CDK12: variants seen among roughly 807,000 people sequenced by gnomAD.
CDK12 encodes the protein cyclin dependent kinase 12, also known as cyclin-dependent kinase 12.
In CDK12, 17 loss-of-function variants were observed where a neutral mutation model predicts 133.8. The ratio of observed to expected loss-of-function variants is 0.13; its 90% CI spans 0.09 to 0.19. The LOEUF is 0.19. Ranked by LOEUF, CDK12 falls within the 10% of genes least tolerant of loss-of-function variation. CDK12 has a pLI of 1.00. For synonymous variants in CDK12, 694 were observed against 683.6 expected (o/e 1.02, Z -0.24); for missense variants, 1,508 against 1,818.7 (o/e 0.83, Z 3.11).
intron 6 of CDK12, among the ~76,000 whole-genome samples, chr17:39,504,949 G>A (rs1312797349): frequency 6.7e-6 from 1 of 149,114 alleles, no homozygotes; most frequent in African/African-American, 2.5e-5. Flanking sequence ...AAGATTTGGG[G>A]GCCAGGCGCA....
In CDK12 at chr17:39,532,102, T is replaced by TTCTCTCTCTCTCTATCTCTCTCTC. The variant is rs1232452261; in HGVS notation, c.*799_*800insATCTCTCTCTCTCTCTCTCTCTCT. The TTCTCTCTCTCTCTATCTCTCTCTC allele has an allele frequency of 7.8e-5, 17 of 218,620 alleles. No homozygotes were observed. Among genetic ancestry groups the TTCTCTCTCTCTCTATCTCTCTCTC allele is most frequent in the African/African-American group, 3.1e-4 (12 of 38,516 alleles). The allele number at this position is 218,620 out of a possible 1,614,324, so 13.5% of individuals were successfully genotyped here. The stretch of plus-strand genomic sequence containing the variant: ...GCTGATGTGTGCTCTCTCTCTCTCT[T>TTCTCTCTCTCTCTATCTCTCTCTC]TCTCTCTCTCTCTCTCTCTCTCTCT... On this transcript the variant is annotated 3_prime_UTR_variant, in exon 14 of 14. Transcript: ENST00000447079.
downstream of CDK12, among the ~76,000 whole-genome samples, chr17:39,565,454 AC>A (rs1385956853): frequency 7.4e-6 from 1 of 134,600 alleles, no homozygotes; most frequent in African/African-American, 2.7e-5. Flanking sequence ...TTTAAAAAAA[AC>A]GGAGTTTCGC....
intron 1 of CDK12, among the ~76,000 whole-genome samples, chr17:39,470,634 C>T (rs557143055): frequency 2.0e-5 from 3 of 152,078 alleles, no homozygotes; most frequent in Admixed American, 6.6e-5. Context: ...TTTAGATTTA[C>T]TTAGTCTACC....
intron 2 of CDK12, among the ~76,000 whole-genome samples, chr17:39,473,616 T>C (rs1214837200): frequency 1.3e-5 from 2 of 151,592 alleles, no homozygotes; most frequent in Non-Finnish European, 2.9e-5. Context: ...TGTGGCCAGG[T>C]GCGGTGGTTC....
chr17:39,478,489 C>T (rs1477598632), intron 2 of CDK12, among the ~76,000 whole-genome samples: 1 of 152,066 alleles, frequency 6.6e-6, no homozygotes, highest in Non-Finnish European at 1.5e-5. Context: ...CCAACGTGCC[C>T]AGCCCTGGCC....
chr17:39,486,207 C>T (rs2051113320), intron 2 of CDK12, among the ~76,000 whole-genome samples: 1 of 151,014 alleles, frequency 6.6e-6, no homozygotes, highest in African/African-American at 2.4e-5. Context: ...CCCGCTTGGC[C>T]TCCCAAAGTG....
chr17:39,551,067 A>G (rs927767930), exon 2 of CDK12: 1 of 151,988 alleles, frequency 6.6e-6, no homozygotes, highest in East Asian at 1.9e-4. Flanking sequence ...GAGAGGGGAA[A>G]TCATTTGAAT....
At chr17:39,485,349 G>A (rs1195569218) in intron 2 of CDK12, among the ~76,000 whole-genome samples, 1 of 151,414 alleles carries the variant, frequency 6.6e-6, no homozygotes, top group Non-Finnish European at 1.5e-5. Flanking sequence ...ACTTTAGGAG[G>A]CCAAGCTGGA....
intron 9 of CDK12, among the ~76,000 whole-genome samples, chr17:39,516,869 T>C (rs2053845323): frequency 6.6e-6 from 1 of 151,678 alleles, no homozygotes; most frequent in Non-Finnish European, 1.5e-5. Context: ...TTCACCATGT[T>C]AGCCAGGATG....
chr17:39,513,721 A>G (rs747747053), intron 8 of CDK12, among the ~76,000 whole-genome samples: 1 of 152,238 alleles, frequency 6.6e-6, no homozygotes, highest in Non-Finnish European at 1.5e-5. Flanking sequence ...AATTAAAACT[A>G]CATAAAGTTA....
Position 39,531,932 on chromosome 17 carries a change from A to G in CDK12, c.*616A>G, listed in dbSNP as rs952807196. ...TTTCCCCATTGAGCATCTTGAACATACTTTTTTTCCAAATAAATTACTCAT... is the reference window on the plus strand; with the variant it reads ...TTTCCCCATTGAGCATCTTGAACATGCTTTTTTTCCAAATAAATTACTCAT... On this transcript the variant is annotated 3_prime_UTR_variant, in exon 14 of 14. Coordinates refer to ENST00000447079, the MANE Select transcript of CDK12 (RefSeq NM_016507.4). 5 of 233,676 alleles carry G rather than the reference A, an allele frequency of 2.1e-5. No individual in the cohort carries two copies. Among genetic ancestry groups the G allele is most frequent in the Non-Finnish European group, 4.2e-5 (5 of 118,074 alleles). The allele number at this position is 233,676 out of a possible 1,614,324, so 14.5% of individuals were successfully genotyped here. A position where few individuals can be genotyped will look rare whatever the true frequency, so the allele number is the denominator to read the frequency against.
chr17:39,508,094 A>G (rs2053247635), intron 6 of CDK12, among the ~76,000 whole-genome samples: 1 of 152,124 alleles, frequency 6.6e-6, no homozygotes, highest in Non-Finnish European at 1.5e-5. Flanking sequence ...TGGAATATTT[A>G]CATTATACTT....
At chr17:39,490,253 G>A (rs1038137598) in intron 2 of CDK12, among the ~76,000 whole-genome samples, 2 of 151,738 alleles carry the variant, frequency 1.3e-5, no homozygotes, top group African/African-American at 2.4e-5. Context: ...TGTAATCCCA[G>A]CTACTTGGGA....
Position 39,462,570 on chromosome 17 carries a change from G to A in CDK12, c.499G>A (p.Ala167Thr), listed in dbSNP as rs2049030703. ...TGATGACTATGGGAAGGCGCAGGTA[G>A]CCAAAAGCAGCAGCAAGGAATCCAG... The part of the protein sequence containing the change: ...ETDDYGKAQV[A>T]KSSSKESRSS... Residue 167 changes from alanine to threonine, a missense_variant, in exon 1 of 14, where the codon GCC becomes ACC. Coordinates refer to ENST00000447079, the MANE Select transcript of CDK12 (RefSeq NM_016507.4). 3 of 1,614,138 alleles carry A rather than the reference G, an allele frequency of 1.9e-6. No homozygotes were observed. The highest frequency in any genetic ancestry group is 2.5e-6 in the Non-Finnish European group (3 of 1,180,028).
Position 39,530,990 on chromosome 17 carries a change from C to A in CDK12, c.4147C>A (p.Leu1383Ile), listed in dbSNP as rs772623473. ...NRTFSGSLSH[L>I]GESSSYQGTG... ...GACCTTCTCAGGCTCTCTGAGCCAC[C>A]TTGGGGAGTCCAGCAGTTACCAGGG... Residue 1383 changes from leucine to isoleucine, a missense_variant, in exon 14 of 14, where the codon CTT (leucine) becomes ATT (isoleucine). This residue lies in a region of CDK12 where 399 missense variants were observed against 469.6 expected (regional missense o/e 0.85). Transcript: ENST00000447079. 5 of 1,614,100 alleles carry A rather than the reference C, an allele frequency of 3.1e-6. No homozygotes were observed. The East Asian group carries it at 6.7e-5, about 22-fold the overall frequency.
At chr17:39,477,167 T>C (rs557271249) in intron 2 of CDK12, among the ~76,000 whole-genome samples, 64 of 140,670 alleles carry the variant, frequency 4.5e-4, no homozygotes, top group Non-Finnish European at 7.4e-4. Flanking sequence ...ACTACAGGTG[T>C]GTGCCACCAT....
At chr17:39,514,301 A>G (rs1481804068) in intron 8 of CDK12, among the ~76,000 whole-genome samples, 1 of 152,222 alleles carries the variant, frequency 6.6e-6, no homozygotes, top group East Asian at 1.9e-4. Context: ...AAAGGTCCAA[A>G]TTCTAACAGA....
In CDK12 at chr17:39,562,980, C is replaced by A. The variant is rs12602067; in HGVS notation, n.485-1780C>A. ...AATATAGCATGACTAATGGCTAGAGCATGTAAAAATCATTGGGAAAATGTC... is the reference window on the plus strand; with the variant it reads ...AATATAGCATGACTAATGGCTAGAGAATGTAAAAATCATTGGGAAAATGTC... On this transcript the variant is annotated intron_variant and non_coding_transcript_variant, in intron 3 of 3. Coordinates refer to the CDK12 transcript ENST00000558240. Among the ~76,000 whole-genome samples, 2,540 of 142,394 alleles carry A rather than the reference C, an allele frequency of 0.018. 157 individuals carry two copies. In the East Asian group the frequency reaches 0.19, roughly 10 times the overall value. 93.4% of individuals were successfully genotyped at this position (142,394 alleles called of 152,430 possible). A position where few individuals can be genotyped will look rare whatever the true frequency, so the allele number is the denominator to read the frequency against.
Position 39,531,505 on chromosome 17 carries a change from G to C in CDK12, c.*189G>C. The C allele has an allele frequency of 2.1e-6, 1 of 469,446 alleles. No homozygotes were observed. Among genetic ancestry groups the C allele is most frequent in the South Asian group, 7.8e-5 (1 of 12,844 alleles). The allele number at this position is 469,446 out of a possible 1,614,324, so 29.1% of individuals were successfully genotyped here. A position where few individuals can be genotyped will look rare whatever the true frequency, so the allele number is the denominator to read the frequency against. On this transcript the variant is annotated 3_prime_UTR_variant, in exon 14 of 14. Coordinates refer to ENST00000447079, the MANE Select transcript of CDK12 (RefSeq NM_016507.4). ...TTACGAAATAATGATGTTGGCACCAGTTCCCCCTGGATGGGCTATAGCCAG... is the reference window on the plus strand; with the variant it reads ...TTACGAAATAATGATGTTGGCACCACTTCCCCCTGGATGGGCTATAGCCAG...
Sources: allele counts gnomAD v4.1 joint callset (sites outside exome capture counted in the v4.1 genomes callset), GRCh38; gene constraint gnomAD v4.1.1; regional missense constraint gnomAD v4.1.1; transcripts MANE v1.5; gene names NCBI Gene and HGNC (gene_info 2026-07-23, HGNC 2026-07-21).